The following RBFOX3 variants were observed in gnomAD, a reference collection of about 807,000 sequenced individuals.
The protein encoded by RBFOX3 is RNA binding fox-1 homolog 3.
A neutral mutation model predicts 48.7 loss-of-function variants in RBFOX3; 17 were observed. The observed-to-expected ratio is 0.35, with a 90% CI of 0.24 to 0.52. The LOEUF (loss-of-function observed/expected upper bound fraction) is 0.52. RBFOX3 is among the 20% of genes least tolerant of loss of function. The probability of loss-of-function intolerance (pLI) is 0.94; values close to 1 mark genes in which losing one functional copy is unlikely to be tolerated. For missense variants in RBFOX3, 382 were observed against 497.5 expected, an observed-to-expected ratio of 0.77 and a Z score of 2.21; for synonymous variants, 212 against 209.5, an observed-to-expected ratio of 1.01 and a Z score of -0.10.
intron 2 of RBFOX3, among the ~76,000 whole-genome samples, chr17:79,366,380 T>C (rs1176787387): frequency 6.6e-6 from 1 of 152,246 alleles, no homozygotes; most frequent in Non-Finnish European, 1.5e-5. Flanking sequence ...CCGTTTCTTT[T>C]TCTTTAAAGT....
At chr17:79,285,339 T>C (rs2071613579) in intron 3 of RBFOX3, among the ~76,000 whole-genome samples, 1 of 152,224 alleles carries the variant, frequency 6.6e-6, no homozygotes, top group African/African-American at 2.4e-5. Context: ...GGTCAGCTAA[T>C]GAAACAGACC....
At chr17:79,412,935 C>G (rs764802679) in intron 2 of RBFOX3, among the ~76,000 whole-genome samples, 1 of 152,056 alleles carries the variant, frequency 6.6e-6, no homozygotes, top group South Asian at 2.1e-4. Context: ...GTGACTACCA[C>G]TCTCTGACCC....
At position 79,220,289 on chromosome 17, in the gene RBFOX3, A is replaced by G. The variant is rs1471150097; in HGVS notation, c.-34+15477T>C. On this transcript the variant is annotated intron_variant, in intron 4 of 14. Coordinates refer to ENST00000693108, the MANE Select transcript of RBFOX3 (RefSeq NM_001350451.2). This position sits in a 1 kb window ranked among gnomAD's most constrained non-coding sequence, Gnocchi z 5.9. ...CCGCTGGCGGCAGGTTGGTGGGGGT[A>G]GGGGCTTGGTCCCCCAACGCTGGCA... is the stretch of plus-strand genomic sequence containing the variant. Among the ~76,000 whole-genome samples the G allele has an allele frequency of 6.6e-6, 1 of 152,192 alleles. No homozygotes were observed. Among genetic ancestry groups the G allele is most frequent in the Non-Finnish European group, 1.5e-5 (1 of 68,034 alleles).
intron 1 of RBFOX3, among the ~76,000 whole-genome samples, chr17:79,506,738 A>G (rs1187011376): frequency 1.3e-5 from 2 of 152,120 alleles, no homozygotes; most frequent in East Asian, 3.9e-4. Flanking sequence ...GTGAGTCTGG[A>G]TGGGAGACAG....
intron 2 of RBFOX3, among the ~76,000 whole-genome samples, chr17:79,425,782 G>A (rs1398254363): frequency 3.3e-5 from 5 of 152,106 alleles, no homozygotes; most frequent in East Asian, 3.9e-4. Flanking sequence ...CGGGGGTTCC[G>A]AAAGACACTG....
At chr17:79,655,716 T>C in the RBFOX3 span, among the ~76,000 whole-genome samples, 1 of 152,116 alleles carries the variant, frequency 6.6e-6, no homozygotes. Context: ...TGGCCCATGA[T>C]CTCTCTATAA....
At chr17:79,190,414 C>CAAAAAAAAAAAA (rs71161650) in intron 4 of RBFOX3, among the ~76,000 whole-genome samples, 1 of 93,522 alleles carries the variant, frequency 1.1e-5, no homozygotes, top group African/African-American at 4.0e-5. Flanking sequence ...TCTGTCTCAC[C>CAAAAAAAAAAAA]AAAAAAAAAA....
At chr17:79,643,890 A>C in the RBFOX3 span, among the ~76,000 whole-genome samples, 9 of 107,174 alleles carry the variant, frequency 8.4e-5, no homozygotes, top group Non-Finnish European at 6.7e-5. Context: ...TTTTCTTAAA[A>C]AGTAATTAAA....
At chr17:79,625,918 A>G in the RBFOX3 span, among the ~76,000 whole-genome samples, 4 of 152,230 alleles carry the variant, frequency 2.6e-5, no homozygotes, top group Admixed American at 6.5e-5. Context: ...CCTTACCACC[A>G]GCAGAAGCCC....
intron 4 of RBFOX3, among the ~76,000 whole-genome samples, chr17:79,189,215 C>T (rs569871998): frequency 1.3e-5 from 2 of 152,322 alleles, no homozygotes; most frequent in South Asian, 4.1e-4. Context: ...TGTATCTCAC[C>T]TGATCATCAC....
Position 79,108,296 on chromosome 17 carries a change from G to A in RBFOX3, c.223-1508C>T, listed in dbSNP as rs576550264. Among the ~76,000 whole-genome samples the A allele has an allele frequency of 5.9e-5, 9 of 152,342 alleles. No individual in the cohort carries two copies. In the East Asian group the frequency reaches 1.7e-3, roughly 29 times the overall value. On this transcript the variant is annotated intron_variant, in intron 5 of 14. Coordinates refer to ENST00000693108, the MANE Select transcript of RBFOX3 (RefSeq NM_001350451.2). ...GGCCTACACGGCAGCCGGTACAAAT[G>A]GAAGGCTGGTAGCATGGTCTCCCGT...
In RBFOX3 at chr17:79,363,654, T is replaced by C. The variant is rs59843717; in HGVS notation, c.-174-55830A>G. On this transcript the variant is annotated intron_variant, in intron 2 of 14. Transcript: ENST00000693108. The surrounding 1 kb of genome is among the most constrained non-coding windows in gnomAD (Gnocchi z 4.7). ...ATCTAGGGCCTTCGATTCCCTCCTT[T>C]CCTTGATGCCAGTATCCAGGCCACC... Among the ~76,000 whole-genome samples, 8,235 of 151,798 alleles carry C rather than the reference T, an allele frequency of 0.054. 340 individuals carry two copies. Among genetic ancestry groups the C allele is most frequent in the East Asian group, 0.22 (1,141 of 5,138 alleles).
Position 79,111,729 on chromosome 17 carries a change from G to A in RBFOX3, c.222+3765C>T, listed in dbSNP as rs1343277965. Among the ~76,000 whole-genome samples the A allele has an allele frequency of 3.9e-5, 6 of 152,210 alleles. No homozygotes were observed. The East Asian group carries it at 7.7e-4, about 20-fold the overall frequency. ...GTGACAGGCGTGAGCCAACATGCCC[G>A]GCCCGTTAGCAAGCTGAGGGTCCCT... On this transcript the variant is annotated intron_variant, in intron 5 of 14. Coordinates refer to ENST00000693108, the MANE Select transcript of RBFOX3 (RefSeq NM_001350451.2). The surrounding 1 kb of genome is among the most constrained non-coding windows in gnomAD (Gnocchi z 4.2).
intron 1 of RBFOX3, among the ~76,000 whole-genome samples, chr17:79,508,586 G>A (rs1479183003): frequency 1.3e-5 from 2 of 152,192 alleles, no homozygotes; most frequent in Non-Finnish European, 2.9e-5. Context: ...CTCATCTGGG[G>A]TTGGGGTGGG....
intron 3 of RBFOX3, among the ~76,000 whole-genome samples, chr17:79,237,256 A>G (rs2061738246): frequency 6.6e-6 from 1 of 152,162 alleles, no homozygotes; most frequent in Non-Finnish European, 1.5e-5. Flanking sequence ...ATCTAGAAAA[A>G]TCACCACCAC....
At chr17:79,161,456 T>G (rs1487266597) in intron 4 of RBFOX3, among the ~76,000 whole-genome samples, 1 of 152,224 alleles carries the variant, frequency 6.6e-6, no homozygotes, top group Non-Finnish European at 1.5e-5. Flanking sequence ...GGAAGTGACC[T>G]CACCTTTTAA....
chr17:79,518,203 G>T (rs2085522216), intron 1 of RBFOX3, among the ~76,000 whole-genome samples: 1 of 152,180 alleles, frequency 6.6e-6, no homozygotes, highest in Admixed American at 6.5e-5. Context: ...GATAATGTAG[G>T]TTTTTTTCTC....
chr17:79,404,307 A>G (rs1448249747), intron 2 of RBFOX3, among the ~76,000 whole-genome samples: 1 of 151,398 alleles, frequency 6.6e-6, no homozygotes, highest in African/African-American at 2.4e-5. Flanking sequence ...CTGGCTAGGC[A>G]CTGGTTCCTC....
At chr17:79,337,097 A>G (rs1327345150) in intron 2 of RBFOX3, among the ~76,000 whole-genome samples, 1 of 152,114 alleles carries the variant, frequency 6.6e-6, no homozygotes, top group Non-Finnish European at 1.5e-5. Context: ...CAGCCTGGGC[A>G]ACAGAGAGAG....
Sources: allele counts gnomAD v4.1 joint callset (sites outside exome capture counted in the v4.1 genomes callset), GRCh38; gene constraint gnomAD v4.1.1; non-coding constraint Gnocchi (gnomAD v3.1); transcripts MANE v1.5; gene names NCBI Gene and HGNC (gene_info 2026-07-23, HGNC 2026-07-21).